The following MALRD1 variants were observed in gnomAD, a reference collection of about 807,000 sequenced individuals.
The protein encoded by MALRD1 is MAM and LDL-receptor class A domain-containing protein 1.
Under a neutral mutation model 242.1 loss-of-function variants are expected in MALRD1, and 247 were observed. The ratio of observed to expected loss-of-function variants is 1.02; its 90% CI spans 0.92 to 1.13. The LOEUF is 1.13. Ranked by LOEUF, MALRD1 falls within the 50% of genes most tolerant of loss-of-function variation. MALRD1 has a pLI of 0.00. For missense variants in MALRD1, 2,989 were observed against 2,533.1 expected (o/e 1.18, Z -3.86); for synonymous variants, 995 against 866.6 (o/e 1.15, Z -2.60).
In MALRD1 at chr10:19,703,117, G is replaced by A. The variant is rs368778820; in HGVS notation, c.6314+10563G>A. On this transcript the variant is annotated intron_variant, in intron 38 of 39. Transcript: ENST00000454679. ...CAGGGGAAAAAAAGCAACTCAAGAT[G>A]ATTTGATCAAAATAAAGAATTTAGG... Among the ~76,000 whole-genome samples, 25 of 152,228 alleles carry A rather than the reference G, an allele frequency of 1.6e-4. 1 individual carries two copies. The highest frequency in any genetic ancestry group is 5.5e-4 in the African/African-American group (23 of 41,532).
chr10:19,265,582 A>G (rs1241466092), intron 19 of MALRD1, among the ~76,000 whole-genome samples: 3 of 152,100 alleles, frequency 2.0e-5, no homozygotes, highest in Non-Finnish European at 4.4e-5. Flanking sequence ...TGGTTAGAAA[A>G]GATGCTGGAT....
At chr10:19,047,044 A>G (rs945269484), upstream of MALRD1, among the ~76,000 whole-genome samples, 2 of 152,188 alleles carry the variant, frequency 1.3e-5, no homozygotes, top group Admixed American at 6.5e-5. Context: ...AGAGGGAAAT[A>G]GATAGGAGTG....
At chr10:19,506,590 A>G (rs921221679) in intron 31 of MALRD1, among the ~76,000 whole-genome samples, 3 of 152,042 alleles carry the variant, frequency 2.0e-5, no homozygotes, top group South Asian at 2.1e-4. Context: ...TGAGATATAT[A>G]TATATATTTC....
At chr10:19,161,550 C>CAAAAAAAAAAAAAAAAAAA in intron 12 of MALRD1, among the ~76,000 whole-genome samples, 3 of 60,838 alleles carry the variant, frequency 4.9e-5, no homozygotes, top group Admixed American at 2.0e-4. Flanking sequence ...AAAAAAAAAG[C>CAAAAAAAAAAAAAAAAAAA]AAAAAAAAAA....
intron 28 of MALRD1, among the ~76,000 whole-genome samples, chr10:19,438,689 C>G (rs1344935154): frequency 6.6e-6 from 1 of 152,120 alleles, no homozygotes; most frequent in Non-Finnish European, 1.5e-5. Context: ...GTAGCCATGT[C>G]AGTGTGTGTG....
At chr10:19,559,182 CAAT>C (rs947306890) in intron 32 of MALRD1, among the ~76,000 whole-genome samples, 4 of 151,212 alleles carry the variant, frequency 2.6e-5, no homozygotes, top group Admixed American at 6.6e-5. Context: ...GACTCTGTCT[CAAT>C]AATAATAATA....
rs1322849064 is a variant in MALRD1 at position 19,595,131 on chromosome 10, C to A, written c.5681-63C>A. On this transcript the variant is annotated intron_variant, in intron 33 of 39. Coordinates refer to ENST00000454679, the MANE Select transcript of MALRD1 (RefSeq NM_001142308.3). ...CAATAAGAAATGCAACCTGTAATGTCCCAACACTGGATGGAGGGAAACTCC... is the reference window on the plus strand; with the variant it reads ...CAATAAGAAATGCAACCTGTAATGTACCAACACTGGATGGAGGGAAACTCC... 6 of 1,459,086 alleles carry A rather than the reference C, an allele frequency of 4.1e-6. No homozygotes were observed. In the Admixed American group the frequency reaches 1.3e-4, roughly 31 times the overall value. The allele number at this position is 1,459,086 out of a possible 1,614,324, so 90.4% of individuals were successfully genotyped here. A position where few individuals can be genotyped will look rare whatever the true frequency, so the allele number is the denominator to read the frequency against.
chr10:19,535,563 A>G (rs892475148), intron 32 of MALRD1, among the ~76,000 whole-genome samples: 16 of 150,638 alleles, frequency 1.1e-4, no homozygotes, highest in African/African-American at 3.7e-4. Flanking sequence ...ACATATGTAC[A>G]TATATGTATA....
intron 21 of MALRD1, among the ~76,000 whole-genome samples, chr10:19,321,842 T>G (rs1842925113): frequency 6.6e-6 from 1 of 152,154 alleles, no homozygotes; most frequent in Non-Finnish European, 1.5e-5. Flanking sequence ...AAGAAGTGGA[T>G]TGGGGGACAT....
chr10:19,396,180 C>G (rs1278453749), intron 28 of MALRD1, among the ~76,000 whole-genome samples: 2 of 142,012 alleles, frequency 1.4e-5, no homozygotes, highest in Non-Finnish European at 3.0e-5. Flanking sequence ...TTCTGTCACC[C>G]TGGCTGAGGT....
At chr10:19,625,807 T>C (rs1839627497) in intron 36 of MALRD1, among the ~76,000 whole-genome samples, 1 of 152,174 alleles carries the variant, frequency 6.6e-6, no homozygotes, top group African/African-American at 2.4e-5. Flanking sequence ...TGTTTGCCAA[T>C]TGCATATTTA....
intron 38 of MALRD1, among the ~76,000 whole-genome samples, chr10:19,701,657 T>C (rs1242060165): frequency 1.3e-5 from 2 of 151,358 alleles, no homozygotes; most frequent in Non-Finnish European, 2.9e-5. Context: ...CAAGTTTCTG[T>C]ATTTCTCTTC....
At chr10:19,583,471 A>G (rs1221199516) in intron 33 of MALRD1, among the ~76,000 whole-genome samples, 47 of 150,050 alleles carry the variant, frequency 3.1e-4, no homozygotes, top group Non-Finnish European at 5.4e-4. Flanking sequence ...TTCTGCATCT[A>G]TTGAGATAAT....
chr10:19,638,031 G>A (rs1013287130), intron 36 of MALRD1, among the ~76,000 whole-genome samples: 1 of 146,830 alleles, frequency 6.8e-6, no homozygotes, highest in Non-Finnish European at 1.5e-5. Context: ...AACCCAGGAG[G>A]CAGGGGTTGC....
rs144559381 is a variant in MALRD1, at chr10:19,556,179, G to A, written c.5479-11323G>A. ...TGAGTGGAAAGAACAAACAGTTTTC[G>A]TATAATATAATCCCTCTCAACTTAC... On this transcript the variant is annotated intron_variant, in intron 32 of 39. Coordinates refer to ENST00000454679, the MANE Select transcript of MALRD1 (RefSeq NM_001142308.3). Among the ~76,000 whole-genome samples, 331 of 152,156 alleles carry A rather than the reference G, an allele frequency of 2.2e-3. 1 individual carries two copies. Among genetic ancestry groups the A allele is most frequent in the African/African-American group, 7.4e-3 (306 of 41,526 alleles).
chr10:19,224,582 C>T (rs747580238), intron 18 of MALRD1, among the ~76,000 whole-genome samples: 1 of 152,146 alleles, frequency 6.6e-6, no homozygotes, highest in Non-Finnish European at 1.5e-5. Context: ...TGAGCCACCA[C>T]GCCCAGCCTA....
intron 32 of MALRD1, among the ~76,000 whole-genome samples, chr10:19,567,271 GT>G: frequency 6.6e-6 from 1 of 152,084 alleles, no homozygotes; most frequent in African/African-American, 2.4e-5. Flanking sequence ...ATTATGTCCA[GT>G]TTGACGTACA....
In MALRD1 at chr10:19,642,205, A is replaced by G. The variant is rs1035048681; in HGVS notation, c.6137+26282A>G. On this transcript the variant is annotated intron_variant, in intron 36 of 39. Coordinates refer to ENST00000454679, the MANE Select transcript of MALRD1 (RefSeq NM_001142308.3). ...TTGAATTGTAGAAACCAGATGACAG[A>G]CTATTCCAGAAAATCTAATGAATCT... 2.0e-5 allele frequency among the ~76,000 whole-genome samples: 3 copies of G among 152,194 alleles called. No homozygotes were observed. In the East Asian group the frequency reaches 5.8e-4, roughly 29 times the overall value.
At chr10:19,304,073 A>G (rs1391173246) in intron 21 of MALRD1, among the ~76,000 whole-genome samples, 2 of 151,722 alleles carry the variant, frequency 1.3e-5, no homozygotes, top group African/African-American at 2.4e-5. Context: ...GAAGAGAATG[A>G]TATTTGAATC....
Sources: gnomAD v4.1 joint callset for allele counts (sites outside exome capture counted in the v4.1 genomes callset) on GRCh38, gnomAD v4.1.1 for gene constraint, MANE v1.5 for transcripts, NCBI Gene and HGNC (gene_info 2026-07-23, HGNC 2026-07-21) for gene names.